The following GPR39 variants were observed in gnomAD, a reference collection of about 807,000 sequenced individuals.
GPR39 encodes the protein G protein-coupled receptor 39.
Under a neutral mutation model 18.4 loss-of-function variants are expected in GPR39, and 23 were observed. That is an observed-to-expected ratio of 1.25 (90% CI 0.90 to 1.77). The LOEUF (loss-of-function observed/expected upper bound fraction) is 1.77. Among genes scored for constraint, GPR39 ranks in the 40% most tolerant of loss-of-function variants. The pLI, the probability that GPR39 is intolerant of heterozygous loss-of-function variation, is 0.00. For missense variants in GPR39, 647 were observed against 602.4 expected (o/e 1.07, Z -0.78); for synonymous variants, 280 against 257.9 (o/e 1.09, Z -0.82).
chr2:132,485,435 A>G (rs990025501), intron 1 of GPR39, among the ~76,000 whole-genome samples: 1 of 152,212 alleles, frequency 6.6e-6, no homozygotes, highest in East Asian at 1.9e-4. Flanking sequence ...TCAACAAAAG[A>G]TTTCTCTATA....
chr2:132,567,481 A>AT (rs1680371026), intron 1 of GPR39, among the ~76,000 whole-genome samples: 1 of 152,216 alleles, frequency 6.6e-6, no homozygotes, highest in Non-Finnish European at 1.5e-5. Context: ...CTCATGCTCC[A>AT]GCCCTCTCTC....
chr2:132,550,351 G>C (rs1051095197), intron 1 of GPR39, among the ~76,000 whole-genome samples: 1 of 152,180 alleles, frequency 6.6e-6, no homozygotes, highest in Non-Finnish European at 1.5e-5. Flanking sequence ...TGGCAAGCCC[G>C]AGTCTTTGGA....
rs376285580 is a variant in GPR39, at chr2:132,418,719, T to G, written c.856+821T>G. Among the ~76,000 whole-genome samples the G allele has an allele frequency of 1.7e-3, 254 of 152,332 alleles. 5 individuals are homozygous for G. The South Asian group carries it at 0.022, about 13-fold the overall frequency. ...CCACAGGTCTGTTGACCCCAGAGCCTTCAGAAGAGGGACCTAGTGGCTGGG... is the reference window on the plus strand; with the variant it reads ...CCACAGGTCTGTTGACCCCAGAGCCGTCAGAAGAGGGACCTAGTGGCTGGG... On this transcript the variant is annotated intron_variant, in intron 1 of 1. Transcript: ENST00000329321.
chr2:132,509,568 C>G (rs1208294950), intron 1 of GPR39, among the ~76,000 whole-genome samples: 1 of 152,182 alleles, frequency 6.6e-6, no homozygotes, highest in Admixed American at 6.5e-5. Flanking sequence ...ACTACATTTT[C>G]ATTCCTCAAA....
At chr2:132,640,307 G>C (rs1004544178) in intron 1 of GPR39, among the ~76,000 whole-genome samples, 3 of 152,212 alleles carry the variant, frequency 2.0e-5, no homozygotes, top group Admixed American at 2.0e-4. Flanking sequence ...GGTGTTGTTA[G>C]ACATCTGCAT....
intron 1 of GPR39, among the ~76,000 whole-genome samples, chr2:132,449,914 C>T (rs1314582607): frequency 6.6e-6 from 1 of 152,162 alleles, no homozygotes; most frequent in African/African-American, 2.4e-5. Flanking sequence ...CTTCTAGCAT[C>T]CCCTGGTACA....
chr2:132,465,162 A>C (rs937886311), intron 1 of GPR39, among the ~76,000 whole-genome samples: 9 of 152,198 alleles, frequency 5.9e-5, no homozygotes, highest in African/African-American at 2.2e-4. Context: ...AGCATCTTTC[A>C]CTCAATGAGA....
intron 1 of GPR39, among the ~76,000 whole-genome samples, chr2:132,435,957 G>A (rs1364152085): frequency 6.6e-6 from 1 of 152,130 alleles, no homozygotes; most frequent in South Asian, 2.1e-4. Flanking sequence ...TTTTAAGTTC[G>A]TTTTCAGAAA....
At chr2:132,600,645 A>C (rs1301706143) in intron 1 of GPR39, among the ~76,000 whole-genome samples, 1 of 152,196 alleles carries the variant, frequency 6.6e-6, no homozygotes, top group African/African-American at 2.4e-5. Context: ...ATAACCTACC[A>C]AGATTGAAAT....
At chr2:132,631,563 C>T (rs1681650244) in intron 1 of GPR39, among the ~76,000 whole-genome samples, 1 of 152,152 alleles carries the variant, frequency 6.6e-6, no homozygotes, top group South Asian at 2.1e-4. Context: ...GAGCCTGGCT[C>T]CTGTGTGCAC....
chr2:132,557,631 G>T (rs1490535213), intron 1 of GPR39, among the ~76,000 whole-genome samples: 1 of 151,726 alleles, frequency 6.6e-6, no homozygotes, highest in Non-Finnish European at 1.5e-5. Context: ...CCCAAGGTCA[G>T]GCAAGTAAGT....
intron 1 of GPR39, among the ~76,000 whole-genome samples, chr2:132,617,754 T>G (rs1573700903): frequency 6.6e-6 from 1 of 152,178 alleles, no homozygotes. Flanking sequence ...AAATTCAGAT[T>G]AAGGGCATAA....
intron 1 of GPR39, among the ~76,000 whole-genome samples, chr2:132,596,508 T>G (rs763713215): frequency 5.3e-5 from 8 of 152,164 alleles, no homozygotes; most frequent in Non-Finnish European, 1.0e-4. Flanking sequence ...GCCACCTGCA[T>G]GCTCTTCATC....
intron 1 of GPR39, among the ~76,000 whole-genome samples, chr2:132,502,722 C>A (rs1285898660): frequency 6.6e-6 from 1 of 152,114 alleles, no homozygotes; most frequent in Non-Finnish European, 1.5e-5. Context: ...TAGGTTTGGA[C>A]ATTTAACATA....
chr2:132,541,746 C>T (rs1679865602), intron 1 of GPR39, among the ~76,000 whole-genome samples: 1 of 152,198 alleles, frequency 6.6e-6, no homozygotes, highest in South Asian at 2.1e-4. Flanking sequence ...AAGCCTTATG[C>T]ATCCTGGGCT....
At chr2:132,600,209 T>C (rs563124055) in intron 1 of GPR39, among the ~76,000 whole-genome samples, 1 of 152,072 alleles carries the variant, frequency 6.6e-6, no homozygotes, top group South Asian at 2.1e-4. Context: ...TGAATGAAAA[T>C]AGAAACACAA....
chr2:132,617,294 A>G (rs1023498589), intron 1 of GPR39, among the ~76,000 whole-genome samples: 2 of 151,808 alleles, frequency 1.3e-5, no homozygotes, highest in African/African-American at 4.8e-5. Context: ...GGCAAATAAT[A>G]TACACTATTG....
At chr2:132,465,158 T>C (rs1680904301) in intron 1 of GPR39, among the ~76,000 whole-genome samples, 1 of 152,204 alleles carries the variant, frequency 6.6e-6, no homozygotes, top group African/African-American at 2.4e-5. Context: ...GAACAGCATC[T>C]TTCACTCAAT....
At chr2:132,538,631 A>T (rs530743465) in intron 1 of GPR39, among the ~76,000 whole-genome samples, 1 of 152,320 alleles carries the variant, frequency 6.6e-6, no homozygotes, top group Admixed American at 6.5e-5. Flanking sequence ...GCCAGCAGGC[A>T]GGAAAGATTA....
Sources: allele counts gnomAD v4.1 joint callset (sites outside exome capture counted in the v4.1 genomes callset), GRCh38; gene constraint gnomAD v4.1.1; transcripts MANE v1.5; gene names NCBI Gene and HGNC (gene_info 2026-07-23, HGNC 2026-07-21).